Variants in DPP6 observed in about 807,000 individuals in gnomAD.
DPP6 encodes the protein dipeptidyl peptidase like 6.
Under a neutral mutation model 122.6 loss-of-function variants are expected in DPP6, and 69 were observed. That is an observed-to-expected ratio of 0.56 (90% CI 0.46 to 0.69). The LOEUF (loss-of-function observed/expected upper bound fraction) is 0.69, where lower values mean the gene tolerates loss of function less well. Ranked by LOEUF, DPP6 falls within the 30% of genes least tolerant of loss-of-function variation. DPP6 has a pLI of 0.00. For missense variants in DPP6, 928 were observed against 1,116.9 expected, an observed-to-expected ratio of 0.83 and a Z score of 2.41; for synonymous variants, 418 against 433.1, an observed-to-expected ratio of 0.97 and a Z score of 0.43.
intron 1 of DPP6, among the ~76,000 whole-genome samples, chr7:154,146,894 T>C (rs1179660152): frequency 1.3e-5 from 2 of 151,414 alleles, no homozygotes; most frequent in Non-Finnish European, 2.9e-5. Context: ...GTCCAGGGAG[T>C]GCACTCGCTT....
At chr7:154,364,505 C>G (rs1392077787) in intron 1 of DPP6, among the ~76,000 whole-genome samples, 1 of 152,126 alleles carries the variant, frequency 6.6e-6, no homozygotes, top group Non-Finnish European at 1.5e-5. Flanking sequence ...GCCTGCCAGG[C>G]TGTGCGAACA....
intron 1 of DPP6, among the ~76,000 whole-genome samples, chr7:154,296,436 A>G (rs549804979): frequency 1.3e-5 from 2 of 152,262 alleles, no homozygotes; most frequent in East Asian, 3.9e-4. Context: ...AGATTTCCTG[A>G]CTTTATATAC....
chr7:154,400,171 C>T (rs558144469), intron 1 of DPP6, among the ~76,000 whole-genome samples: 47 of 152,244 alleles, frequency 3.1e-4, no homozygotes, highest in African/African-American at 1.0e-3. Context: ...GTCTGCATGC[C>T]CTGGAGAAGC....
At chr7:154,137,901 G>A (rs1188808780) in intron 1 of DPP6, among the ~76,000 whole-genome samples, 2 of 152,202 alleles carry the variant, frequency 1.3e-5, no homozygotes, top group Non-Finnish European at 2.9e-5. Context: ...TCCTCCAGAA[G>A]TATGGGGCCA....
intron 1 of DPP6, among the ~76,000 whole-genome samples, chr7:153,912,542 T>G (rs1370365341): frequency 6.6e-6 from 1 of 152,140 alleles, no homozygotes; most frequent in East Asian, 1.9e-4. Context: ...TACTAAAAAT[T>G]GCAGCATTTC....
chr7:154,267,206 A>G (rs1035630558), intron 1 of DPP6, among the ~76,000 whole-genome samples: 2 of 151,804 alleles, frequency 1.3e-5, no homozygotes, highest in African/African-American at 4.8e-5. Context: ...ATAATTTTGC[A>G]TAAAATGTGC....
At chr7:154,817,411 T>C (rs1197993195) in intron 16 of DPP6, among the ~76,000 whole-genome samples, 3 of 152,156 alleles carry the variant, frequency 2.0e-5, no homozygotes, top group Admixed American at 6.5e-5. Context: ...TGATTTATGA[T>C]GTCATGAACA....
chr7:154,443,888 G>A (rs570793165), intron 1 of DPP6, among the ~76,000 whole-genome samples: 1 of 152,204 alleles, frequency 6.6e-6, no homozygotes, highest in Non-Finnish European at 1.5e-5. Context: ...GGCAAAAAAT[G>A]TCTCATTCTA....
intron 7 of DPP6, among the ~76,000 whole-genome samples, chr7:154,694,135 G>C (rs2131231564): frequency 6.6e-6 from 1 of 152,278 alleles, no homozygotes; most frequent in East Asian, 1.9e-4. Flanking sequence ...TCGCTTGGTG[G>C]AAGGGACAAG....
chr7:154,276,338 C>T (rs2150942507), intron 1 of DPP6, among the ~76,000 whole-genome samples: 1 of 152,298 alleles, frequency 6.6e-6, no homozygotes, highest in East Asian at 1.9e-4. Flanking sequence ...GCCCCGTAGG[C>T]CTCTCAATCA....
chr7:154,109,715 G>T (rs1239707260), intron 1 of DPP6, among the ~76,000 whole-genome samples: 1 of 151,228 alleles, frequency 6.6e-6, no homozygotes, highest in Non-Finnish European at 1.5e-5. Flanking sequence ...CTGAGAAGGG[G>T]AAAGACAGTA....
At chr7:154,424,176 C>T (rs948054222) in intron 1 of DPP6, among the ~76,000 whole-genome samples, 17 of 152,334 alleles carry the variant, frequency 1.1e-4, no homozygotes, top group African/African-American at 3.8e-4. Flanking sequence ...TCTCAACTCA[C>T]ATACGCAGAT....
intron 7 of DPP6, among the ~76,000 whole-genome samples, chr7:154,723,447 G>C (rs939015496): frequency 6.9e-6 from 1 of 145,378 alleles, no homozygotes; most frequent in Non-Finnish European, 1.5e-5. Flanking sequence ...ATCCATTGTA[G>C]GCTTACAACA....
chr7:154,770,275 A>G (rs1381433773), intron 9 of DPP6, among the ~76,000 whole-genome samples: 1 of 152,202 alleles, frequency 6.6e-6, no homozygotes, highest in East Asian at 1.9e-4. Flanking sequence ...ATGGCGGCAG[A>G]CAAGAGGAGA....
At chr7:154,449,675 A>G (rs1396338804) in intron 2 of DPP6, among the ~76,000 whole-genome samples, 2 of 152,162 alleles carry the variant, frequency 1.3e-5, no homozygotes, top group Non-Finnish European at 2.9e-5. Flanking sequence ...CAAAAAAGTG[A>G]AAACAACCCA....
chr7:154,061,706 G>C (rs1286588742), intron 1 of DPP6, among the ~76,000 whole-genome samples: 1 of 86,278 alleles, frequency 1.2e-5, no homozygotes, highest in African/African-American at 4.2e-5. Context: ...CAGGGGGGGA[G>C]GCAATCCCCG....
intron 10 of DPP6, 90 bp downstream of exon 10, chr7:154,773,032 TACA>T (rs2150384148): frequency 1.5e-6 from 2 of 1,371,220 alleles, no homozygotes; most frequent in East Asian, 2.7e-5. Context: ...AGATTTATCT[TACA>T]ACAAGTTTAA....
intron 16 of DPP6, among the ~76,000 whole-genome samples, chr7:154,812,946 A>G (rs1004377922): frequency 1.3e-5 from 2 of 152,078 alleles, no homozygotes; most frequent in African/African-American, 4.8e-5. Context: ...TGACATTTGT[A>G]TGCTTATATG....
the DPP6 span, among the ~76,000 whole-genome samples, chr7:153,798,418 A>T: frequency 1.3e-5 from 2 of 152,230 alleles, no homozygotes; most frequent in Admixed American, 1.3e-4. Flanking sequence ...CCCACTGCCC[A>T]GTCCTCAGGC....
Sources: gnomAD v4.1 joint callset for allele counts (sites outside exome capture counted in the v4.1 genomes callset) on GRCh38, gnomAD v4.1.1 for gene constraint, MANE v1.5 for transcripts, NCBI Gene and HGNC (gene_info 2026-07-23, HGNC 2026-07-21) for gene names.